The following PAG1 variants were observed in gnomAD, a reference collection of about 807,000 sequenced individuals.
The protein encoded by PAG1 is phosphoprotein membrane anchor with glycosphingolipid microdomains 1.
PAG1 carries 23 observed loss-of-function variants against 31.7 expected under a neutral mutation model. The observed-to-expected ratio is 0.73, with a 90% CI of 0.52 to 1.03. PAG1 has a LOEUF of 1.03. Among genes scored for constraint, PAG1 ranks in the 50% least tolerant of loss-of-function variants. The pLI, the probability that PAG1 is intolerant of heterozygous loss-of-function variation, is 0.00. For synonymous variants in PAG1, 214 were observed against 210.3 expected, an observed-to-expected ratio of 1.02 and a Z score of -0.15; for missense variants, 473 against 540.7, an observed-to-expected ratio of 0.87 and a Z score of 1.24.
rs1356906760 is a variant in PAG1, at chr8:80,975,115, C to A, written c.*1429G>T. The stretch of plus-strand genomic sequence containing the variant: ...TTATGAGGTTTATAATTCACAGCCA[C>A]CTCTCATCATATTTTGTTCTTCTTT... On this transcript the variant is annotated 3_prime_UTR_variant, in exon 9 of 9. Transcript: ENST00000220597. 6.6e-6 allele frequency: 1 copy of A among 152,272 alleles called. No homozygotes were observed. Among genetic ancestry groups the A allele is most frequent in the Non-Finnish European group, 1.5e-5 (1 of 68,008 alleles). The allele number at this position is 152,272 out of a possible 1,614,324, so 9.4% of individuals were successfully genotyped here. A position where few individuals can be genotyped will look rare whatever the true frequency, so the allele number is the denominator to read the frequency against.
At chr8:81,087,676 T>C (rs572333580) in intron 1 of PAG1, among the ~76,000 whole-genome samples, 8 of 152,250 alleles carry the variant, frequency 5.3e-5, no homozygotes, top group African/African-American at 1.9e-4. Context: ...GCACACTGAG[T>C]AGGACTTGAC....
chr8:81,048,300 C>T (rs1196484044), intron 2 of PAG1, among the ~76,000 whole-genome samples: 2 of 152,092 alleles, frequency 1.3e-5, no homozygotes, highest in Non-Finnish European at 2.9e-5. Context: ...ATGCTTTTTT[C>T]CCTACACATT....
At chr8:81,103,242 A>G (rs1809637676) in intron 1 of PAG1, among the ~76,000 whole-genome samples, 1 of 152,154 alleles carries the variant, frequency 6.6e-6, no homozygotes, top group Non-Finnish European at 1.5e-5. Flanking sequence ...AAATATAGAA[A>G]TTGTAGCTGA....
At chr8:81,003,701 T>C (rs1303131679) in intron 3 of PAG1, among the ~76,000 whole-genome samples, 2 of 152,312 alleles carry the variant, frequency 1.3e-5, no homozygotes, top group African/African-American at 4.8e-5. Flanking sequence ...AAGGGTTCTT[T>C]TGAACCCTTA....
intron 1 of PAG1, among the ~76,000 whole-genome samples, chr8:81,088,206 A>G (rs2131050339): frequency 6.6e-6 from 1 of 152,346 alleles, no homozygotes; most frequent in South Asian, 2.1e-4. Flanking sequence ...GAAATGTACT[A>G]GACACAAGTG....
intron 2 of PAG1, among the ~76,000 whole-genome samples, chr8:81,047,177 T>C (rs927431224): frequency 3.3e-5 from 5 of 152,238 alleles, no homozygotes; most frequent in African/African-American, 7.2e-5. Context: ...ATTTTTATAA[T>C]AGAACAATTT....
At chr8:81,102,043 C>T (rs919698968) in intron 1 of PAG1, among the ~76,000 whole-genome samples, 3 of 152,028 alleles carry the variant, frequency 2.0e-5, no homozygotes, top group Non-Finnish European at 4.4e-5. Context: ...ACTCTATGCC[C>T]TGGATTATCA....
Position 81,081,711 on chromosome 8 carries a change from A to C in PAG1, c.-233-11541T>G, listed in dbSNP as rs888776855. 5.3e-5 allele frequency among the ~76,000 whole-genome samples: 8 copies of C among 151,340 alleles called. 1 individual carries two copies. Among genetic ancestry groups the C allele is most frequent in the Non-Finnish European group, 1.2e-4 (8 of 67,538 alleles). ...CATTTGGGATTGGGCTTATTCACAC[A>C]GCATGGCTCTCTGGAGATGCACACT... On this transcript the variant is annotated intron_variant, in intron 1 of 8. Coordinates refer to ENST00000220597, the MANE Select transcript of PAG1 (RefSeq NM_018440.4).
chr8:81,032,801 C>G (rs540089794), intron 2 of PAG1, among the ~76,000 whole-genome samples: 2 of 152,134 alleles, frequency 1.3e-5, no homozygotes, highest in Admixed American at 6.5e-5. Context: ...TTGTAATACC[C>G]AAAGAAGTAG....
rs1350402082 is a variant in PAG1 at position 81,111,699 on chromosome 8, A to G, written c.-342T>C. 3.3e-5 allele frequency: 5 copies of G among 152,306 alleles called. No homozygotes were observed. In the East Asian group the frequency reaches 9.7e-4, roughly 30 times the overall value. 9.4% of individuals were successfully genotyped at this position (152,306 alleles called of 1,614,324 possible). A position where few individuals can be genotyped will look rare whatever the true frequency, so the allele number is the denominator to read the frequency against. ...CCGGCACAGCCCGGCAGCAGCGGCAAGTGCAGGACCAGGCGCCGCCGCTCT... is the reference window on the plus strand; with the variant it reads ...CCGGCACAGCCCGGCAGCAGCGGCAGGTGCAGGACCAGGCGCCGCCGCTCT... On this transcript the variant is annotated 5_prime_UTR_variant, in exon 1 of 9. Transcript: ENST00000220597.
rs1809341875 is a variant in PAG1 at position 81,085,814 on chromosome 8, T to C, written c.-233-15644A>G. 2.6e-5 allele frequency among the ~76,000 whole-genome samples: 4 copies of C among 152,196 alleles called. 1 individual carries two copies. In the South Asian group the frequency reaches 8.3e-4, roughly 31 times the overall value. ...TTCATATGCAAAACTGAATCGTTAATACAGTCAGGTAAACCTAAGTACACT... is the reference window on the plus strand; with the variant it reads ...TTCATATGCAAAACTGAATCGTTAACACAGTCAGGTAAACCTAAGTACACT... On this transcript the variant is annotated intron_variant, in intron 1 of 8. Transcript: ENST00000220597.
intron 3 of PAG1, among the ~76,000 whole-genome samples, chr8:80,994,206 G>C (rs1274494425): frequency 6.6e-6 from 1 of 151,636 alleles, no homozygotes; most frequent in Non-Finnish European, 1.5e-5. Context: ...TAATGAAATA[G>C]AATGTCTTTA....
At chr8:81,099,293 GA>G (rs1809573846) in intron 1 of PAG1, among the ~76,000 whole-genome samples, 1 of 152,308 alleles carries the variant, frequency 6.6e-6, no homozygotes, top group Non-Finnish European at 1.5e-5. Flanking sequence ...CACATCTTGA[GA>G]GTATTTATCT....
At chr8:81,096,704 G>A (rs1247620221) in intron 1 of PAG1, among the ~76,000 whole-genome samples, 1 of 152,156 alleles carries the variant, frequency 6.6e-6, no homozygotes, top group African/African-American at 2.4e-5. Flanking sequence ...GGTTTACAGA[G>A]CCTTACAAAA....
chr8:81,044,940 G>T (rs1467777619), intron 2 of PAG1, among the ~76,000 whole-genome samples: 1 of 152,038 alleles, frequency 6.6e-6, no homozygotes, highest in African/African-American at 2.4e-5. Flanking sequence ...GGCATAACTG[G>T]CTGTCCTTGT....
chr8:81,073,534 G>A (rs1809127365), intron 1 of PAG1, among the ~76,000 whole-genome samples: 1 of 152,168 alleles, frequency 6.6e-6, no homozygotes, highest in Non-Finnish European at 1.5e-5. Context: ...AAAAGACCGG[G>A]AGTGGCTTTT....
intron 1 of PAG1, among the ~76,000 whole-genome samples, chr8:81,084,181 G>T (rs990172950): frequency 6.6e-6 from 1 of 152,048 alleles, no homozygotes; most frequent in South Asian, 2.1e-4. Context: ...GTCTTCTTAC[G>T]TTTGTTTTAT....
chr8:80,977,855 T>C (rs1807216349), intron 8 of PAG1, among the ~76,000 whole-genome samples: 1 of 152,188 alleles, frequency 6.6e-6, no homozygotes, highest in Admixed American at 6.5e-5. Context: ...TTGTGAAAAA[T>C]CACGGTTGGA....
At chr8:81,009,049 G>C (rs1024859623) in intron 3 of PAG1, among the ~76,000 whole-genome samples, 2 of 152,080 alleles carry the variant, frequency 1.3e-5, no homozygotes, top group Admixed American at 1.3e-4. Flanking sequence ...TTGTATAAAA[G>C]ATAAACTACA....
Sources: allele counts gnomAD v4.1 joint callset (sites outside exome capture counted in the v4.1 genomes callset), GRCh38; gene constraint gnomAD v4.1.1; transcripts MANE v1.5; gene names NCBI Gene and HGNC (gene_info 2026-07-23, HGNC 2026-07-21).